CLUAP1: variants seen among roughly 807,000 people sequenced by gnomAD.
CLUAP1 encodes intraflagellar transport 38.
In CLUAP1, 50 loss-of-function variants were observed where a neutral mutation model predicts 55.0. The observed-to-expected ratio is 0.91, with a 90% CI of 0.72 to 1.15. The LOEUF is 1.15. Ranked by LOEUF, CLUAP1 falls within the 50% of genes most tolerant of loss-of-function variation. The probability of loss-of-function intolerance (pLI) is 0.00; values close to 1 mark genes in which losing one functional copy is unlikely to be tolerated. For synonymous variants in CLUAP1, 195 were observed against 175.4 expected, an observed-to-expected ratio of 1.11 and a Z score of -0.88; for missense variants, 530 against 507.6, an observed-to-expected ratio of 1.04 and a Z score of -0.42.
chr16:3,528,283 G>A (rs1450527357), intron 9 of CLUAP1, among the ~76,000 whole-genome samples: 1 of 152,058 alleles, frequency 6.6e-6, no homozygotes, highest in African/African-American at 2.4e-5. Context: ...CATACTTGAG[G>A]CATCAGGCCC....
intron 2 of CLUAP1, among the ~76,000 whole-genome samples, chr16:3,505,037 A>AGATTATGAT (rs1473343038): frequency 6.6e-6 from 1 of 152,142 alleles, no homozygotes; most frequent in Non-Finnish European, 1.5e-5. Context: ...CAGTCATTCA[A>AGATTATGAT]GACTAGCCTC....
intron 7 of CLUAP1, 54 bp downstream of exon 7, chr16:3,520,090 A>G (rs778886848): frequency 1.9e-5 from 29 of 1,519,740 alleles, no homozygotes; most frequent in Non-Finnish European, 2.6e-5. Flanking sequence ...AAGTTCAAAC[A>G]AACTGGGCGT....
At chr16:3,500,829 C>G, upstream of CLUAP1, 1 of 567,808 alleles carries the variant, frequency 1.8e-6, no homozygotes, top group Non-Finnish European at 3.1e-6. Flanking sequence ...AAGCTTGCAG[C>G]CCTCATAGAC....
At chr16:3,524,593 T>G (rs2037903911) in intron 8 of CLUAP1, among the ~76,000 whole-genome samples, 1 of 84,524 alleles carries the variant, frequency 1.2e-5, no homozygotes, top group African/African-American at 5.6e-5. Flanking sequence ...CAAGACACCA[T>G]CTCAAAAAAA....
intron 4 of CLUAP1, among the ~76,000 whole-genome samples, chr16:3,510,184 G>C (rs190560385): frequency 1.4e-3 from 215 of 152,242 alleles, no homozygotes; most frequent in African/African-American, 5.0e-3. Context: ...AGTAGAGTCA[G>C]GGTTTCTCCA....
chr16:3,511,789 C>T (rs1424014533), intron 4 of CLUAP1, among the ~76,000 whole-genome samples: 1 of 152,148 alleles, frequency 6.6e-6, no homozygotes, highest in South Asian at 2.1e-4. Context: ...GCGTGTGTCC[C>T]GCAGCCTGTG....
intron 9 of CLUAP1, among the ~76,000 whole-genome samples, chr16:3,528,280 G>A (rs937432670): frequency 2.0e-5 from 3 of 152,074 alleles, no homozygotes; most frequent in African/African-American, 7.2e-5. Flanking sequence ...CAGCATACTT[G>A]AGGCATCAGG....
chr16:3,516,365 A>T (rs2037729491), intron 6 of CLUAP1, among the ~76,000 whole-genome samples: 1 of 152,152 alleles, frequency 6.6e-6, no homozygotes, highest in Non-Finnish European at 1.5e-5. Flanking sequence ...AAAATATGTA[A>T]TTCTTTTGTC....
At position 3,538,990 on chromosome 16, in the gene CLUAP1, A is replaced by G. The variant is rs1041626012; in HGVS notation, c.*2719A>G. ...CTATATAATTAGAGGACTTCCTAAA[A>G]TGCTTTAAAAAAAAATGTGTATGGA... On this transcript the variant is annotated 3_prime_UTR_variant, in exon 12 of 12. Transcript: ENST00000576634. 5 of 152,226 alleles carry G rather than the reference A, an allele frequency of 3.3e-5. No individual in the cohort carries two copies. The highest frequency in any genetic ancestry group is 2.6e-4 in the Admixed American group (4 of 15,290). The allele number at this position is 152,226 out of a possible 1,614,324, so 9.4% of individuals were successfully genotyped here.
At chr16:3,510,823 G>T (rs1401559024) in intron 4 of CLUAP1, among the ~76,000 whole-genome samples, 1 of 152,258 alleles carries the variant, frequency 6.6e-6, no homozygotes, top group Non-Finnish European at 1.5e-5. Flanking sequence ...CTGAAGCAGA[G>T]AAGGTTCTGC....
chr16:3,512,667 ATTTATTTATTTATT>A (rs1266887565), intron 5 of CLUAP1, among the ~76,000 whole-genome samples, 189 bp downstream of exon 5: 5 of 151,708 alleles, frequency 3.3e-5, no homozygotes, highest in Non-Finnish European at 5.9e-5. Flanking sequence ...AGCTTTATTT[ATTTATTTATTTATT>A]TTTATTTATT....
chr16:3,510,873 A>G (rs761331548), intron 4 of CLUAP1, among the ~76,000 whole-genome samples: 1 of 152,172 alleles, frequency 6.6e-6, no homozygotes, highest in Non-Finnish European at 1.5e-5. Flanking sequence ...GTCCAGGTGG[A>G]GATGGTGCAC....
intron 8 of CLUAP1, among the ~76,000 whole-genome samples, chr16:3,524,914 G>A (rs1247833561): frequency 1.3e-5 from 2 of 152,188 alleles, no homozygotes; most frequent in East Asian, 3.8e-4. Flanking sequence ...TGGTCATTTA[G>A]ACTCCATTTT....
At chr16:3,529,727 A>C (rs868400359) in intron 9 of CLUAP1, among the ~76,000 whole-genome samples, 484 of 31,224 alleles carry the variant, frequency 0.016, 66 homozygotes, top group African/African-American at 0.072. Context: ...ATTATATATT[A>C]TATATATTAT....
chr16:3,508,249 A>G, intron 3 of CLUAP1, 40 bp from the exon 4 acceptor site: 1 of 1,557,748 alleles, frequency 6.4e-7, no homozygotes, highest in Non-Finnish European at 8.7e-7. Flanking sequence ...CATTACATGG[A>G]AAGGGCCTTC....
At chr16:3,514,791 A>T (rs2037699068) in intron 5 of CLUAP1, among the ~76,000 whole-genome samples, 1 of 152,096 alleles carries the variant, frequency 6.6e-6, no homozygotes, top group Non-Finnish European at 1.5e-5. Flanking sequence ...ACATCATCAC[A>T]TTGTGGTTTC....
At chr16:3,525,422 G>A (rs897005275) in intron 8 of CLUAP1, among the ~76,000 whole-genome samples, 10 of 151,876 alleles carry the variant, frequency 6.6e-5, no homozygotes, top group Non-Finnish European at 1.3e-4. Flanking sequence ...ACTCACTCTC[G>A]CTCTCTGTCG....
intron 8 of CLUAP1, among the ~76,000 whole-genome samples, chr16:3,525,425 C>G (rs998006201): frequency 6.6e-6 from 1 of 152,152 alleles, no homozygotes; most frequent in Admixed American, 6.5e-5. Context: ...CACTCTCGCT[C>G]TCTGTCGTTA....
At position 3,538,197 on chromosome 16, in the gene CLUAP1, C is replaced by G. The variant is rs545923845; in HGVS notation, c.*1926C>G. ...TATTTGTACCTGTCAGATATAAATA[C>G]TTATTCAGGAGTTCACAGGTACGAA... On this transcript the variant is annotated 3_prime_UTR_variant, in exon 12 of 12. Transcript: ENST00000576634. The G allele has an allele frequency of 1.3e-5, 2 of 151,942 alleles. No individual in the cohort carries two copies. The highest frequency in any genetic ancestry group is 1.9e-4 in the East Asian group (1 of 5,180). The allele number at this position is 151,942 out of a possible 1,614,324, so 9.4% of individuals were successfully genotyped here. A position where few individuals can be genotyped will look rare whatever the true frequency, so the allele number is the denominator to read the frequency against.
Sources: gnomAD v4.1 joint callset for allele counts (sites outside exome capture counted in the v4.1 genomes callset) on GRCh38, gnomAD v4.1.1 for gene constraint, MANE v1.5 for transcripts, NCBI Gene and HGNC (gene_info 2026-07-23, HGNC 2026-07-21) for gene names.